PCDHA5: variants seen among roughly 807,000 people sequenced by gnomAD.
PCDHA5 encodes the protein protocadherin alpha-5.
PCDHA5 carries 43 observed loss-of-function variants against 61.6 expected under a neutral mutation model. The ratio of observed to expected loss-of-function variants is 0.70; its 90% CI spans 0.55 to 0.90. PCDHA5 has a LOEUF of 0.90. Ranked by LOEUF, PCDHA5 falls within the 40% of genes least tolerant of loss-of-function variation. PCDHA5 has a pLI of 0.00. For synonymous variants in PCDHA5, 627 were observed against 543.9 expected, an observed-to-expected ratio of 1.15 and a Z score of -2.13; for missense variants, 1,298 against 1,222.7, an observed-to-expected ratio of 1.06 and a Z score of -0.92.
At chr5:140,844,807 A>G (rs2150373870) in intron 1 of PCDHA5, among the ~76,000 whole-genome samples, 3 of 148,778 alleles carry the variant, frequency 2.0e-5, no homozygotes, top group Non-Finnish European at 3.0e-5. Context: ...TCTTTCTTTT[A>G]TTTCTTCTTG....
chr5:140,844,367 A>C (rs1220676752), intron 1 of PCDHA5, among the ~76,000 whole-genome samples: 1 of 149,478 alleles, frequency 6.7e-6, no homozygotes, highest in Non-Finnish European at 1.5e-5. Context: ...GAGATTTGTA[A>C]TCCTTCTTTT....
At chr5:140,938,041 G>T (rs2091894997) in intron 1 of PCDHA5, among the ~76,000 whole-genome samples, 1 of 151,764 alleles carries the variant, frequency 6.6e-6, no homozygotes, top group African/African-American at 2.4e-5. Flanking sequence ...TTTATATTTT[G>T]GGTTTTCTAC....
chr5:140,836,608 C>T (rs2150265408), intron 1 of PCDHA5: 1 of 1,613,636 alleles, frequency 6.2e-7, no homozygotes, highest in Non-Finnish European at 8.5e-7. Context: ...CTGGTGTGCT[C>T]CAGCGCGGTG....
At chr5:140,970,565 T>C (rs1346006828) in intron 1 of PCDHA5, among the ~76,000 whole-genome samples, 2 of 152,182 alleles carry the variant, frequency 1.3e-5, no homozygotes, top group Non-Finnish European at 2.9e-5. Flanking sequence ...TCTCCATATG[T>C]ATGCTTGAAA....
chr5:140,851,517 A>C (rs1290684198), intron 1 of PCDHA5: 5 of 904,746 alleles, frequency 5.5e-6, no homozygotes, highest in Non-Finnish European at 4.0e-6. Flanking sequence ...AATATGTTTT[A>C]AAATGCCTGA....
chr5:140,889,679 C>A (rs968181758), intron 1 of PCDHA5, among the ~76,000 whole-genome samples: 4 of 152,026 alleles, frequency 2.6e-5, no homozygotes, highest in Admixed American at 6.6e-5. Flanking sequence ...TTATTTTAAA[C>A]CTTTTAGTAT....
intron 3 of PCDHA5, among the ~76,000 whole-genome samples, chr5:141,004,566 T>C (rs2098171206): frequency 6.6e-6 from 1 of 152,186 alleles, no homozygotes; most frequent in Non-Finnish European, 1.5e-5. Context: ...GATGAACATA[T>C]CTCTGTGTTC....
rs546789240 is a variant in PCDHA5 at position 140,938,168 on chromosome 5, G to A, written c.2353-40781G>A. Among the ~76,000 whole-genome samples, 6 of 152,184 alleles carry A rather than the reference G, an allele frequency of 3.9e-5. No homozygotes were observed. The South Asian group carries it at 1.2e-3, about 32-fold the overall frequency. Reference sequence around the variant, plus strand: ...ACTACATTGCCCAGGCTAGTCTGGAGCTCCTGGGCTCAAGCAATCCTCCCA... The same window carrying A: ...ACTACATTGCCCAGGCTAGTCTGGAACTCCTGGGCTCAAGCAATCCTCCCA... On this transcript the variant is annotated intron_variant, in intron 1 of 3. Coordinates refer to ENST00000529859, the MANE Select transcript of PCDHA5 (RefSeq NM_018908.3).
chr5:140,966,953 C>A, intron 1 of PCDHA5: 1 of 1,603,802 alleles, frequency 6.2e-7, no homozygotes. Flanking sequence ...CAACGTGGCT[C>A]GCGCGCTGGG....
At chr5:140,966,463 TC>T in intron 1 of PCDHA5, 1 of 429,360 alleles carries the variant, frequency 2.3e-6, no homozygotes, top group Non-Finnish European at 4.0e-6. Flanking sequence ...CCCTCTGTCT[TC>T]CCTTCTGTTT....
intron 1 of PCDHA5, chr5:140,927,723 A>G: frequency 6.2e-7 from 1 of 1,614,220 alleles, no homozygotes; most frequent in Non-Finnish European, 8.5e-7. Context: ...ACAGCACGCA[A>G]GCAGAGCTGC....
At chr5:140,977,351 AT>A (rs2096757742) in intron 1 of PCDHA5, among the ~76,000 whole-genome samples, 1 of 152,348 alleles carries the variant, frequency 6.6e-6, no homozygotes, top group Non-Finnish European at 1.5e-5. Context: ...ATGATGACTG[AT>A]TGATAAAAAG....
At chr5:140,987,269 G>A (rs1442679377) in intron 3 of PCDHA5, among the ~76,000 whole-genome samples, 8 of 151,806 alleles carry the variant, frequency 5.3e-5, no homozygotes, top group African/African-American at 9.7e-5. Flanking sequence ...AATGGGACCC[G>A]GCAGTCTATG....
intron 1 of PCDHA5, among the ~76,000 whole-genome samples, chr5:140,887,924 G>C (rs782008714): frequency 6.6e-5 from 10 of 152,026 alleles, no homozygotes; most frequent in Admixed American, 6.6e-4. Context: ...TCATTTCAGA[G>C]ACCATATTTA....
At chr5:140,960,065 C>G (rs953730101) in intron 1 of PCDHA5, among the ~76,000 whole-genome samples, 1 of 152,120 alleles carries the variant, frequency 6.6e-6, no homozygotes, top group Non-Finnish European at 1.5e-5. Flanking sequence ...ACAGAAGATT[C>G]AATTGAAGTT....
In PCDHA5 at chr5:140,822,931, T is replaced by G; in HGVS notation, c.1156T>G (p.Cys386Gly). Residue 386 changes from cysteine (C) to glycine (G), a missense_variant, in exon 1 of 4, where the codon TGC becomes GGC. Coordinates refer to ENST00000529859, the MANE Select transcript of PCDHA5 (RefSeq NM_018908.3). ...CTCAGGTGCCAACGGGCAGGTGACC[T>G]GCTCCCTAATGCCCCACGTTCCCTT... Reference protein sequence around the residue: ...RDSGANGQVTCSLMPHVPFKL... With the variant: ...RDSGANGQVTGSLMPHVPFKL... 1 of 1,614,276 alleles carries G rather than the reference T, an allele frequency of 6.2e-7. No homozygotes were observed. The highest frequency in any genetic ancestry group is 8.5e-7 in the Non-Finnish European group (1 of 1,180,052).
intron 1 of PCDHA5, chr5:140,842,293 C>A: frequency 6.2e-7 from 1 of 1,609,994 alleles, no homozygotes; most frequent in Non-Finnish European, 8.5e-7. Context: ...ACGCCACGGA[C>A]AAAGGCCATC....
intron 1 of PCDHA5, among the ~76,000 whole-genome samples, chr5:140,903,726 A>G (rs2070539731): frequency 6.6e-6 from 1 of 152,248 alleles, no homozygotes; most frequent in South Asian, 2.1e-4. Context: ...TCTCCCTATT[A>G]TCAATTATTA....
chr5:140,851,363 A>C lies in PCDHA5; in HGVS notation c.2352+27236A>C. 5 of 979,054 alleles carry C rather than the reference A, an allele frequency of 5.1e-6. 1 individual carries two copies. Among genetic ancestry groups the C allele is most frequent in the Non-Finnish European group, 6.2e-6 (5 of 807,194 alleles). 60.6% of individuals were successfully genotyped at this position (979,054 alleles called of 1,614,324 possible). On this transcript the variant is annotated intron_variant, in intron 1 of 3. Coordinates refer to ENST00000529859, the MANE Select transcript of PCDHA5 (RefSeq NM_018908.3). ...ATTTCTCTGGATGGAGACTGTGAAC[A>C]TCTGATTGTTCAGCAACCTTCAGTA...
Sources: gnomAD v4.1 joint callset for allele counts (sites outside exome capture counted in the v4.1 genomes callset) on GRCh38, gnomAD v4.1.1 for gene constraint, MANE v1.5 for transcripts, NCBI Gene and HGNC (gene_info 2026-07-23, HGNC 2026-07-21) for gene names.